TREM1: variants seen among roughly 807,000 people sequenced by gnomAD.
The protein encoded by TREM1 is triggering receptor expressed on myeloid cells 1, also known as triggering receptor expressed on monocytes 1.
Under a neutral mutation model 22.4 loss-of-function variants are expected in TREM1, and 16 were observed. The ratio of observed to expected loss-of-function variants is 0.71; its 90% CI spans 0.48 to 1.08. TREM1 has a LOEUF of 1.08. Among genes scored for constraint, TREM1 ranks in the 50% least tolerant of loss-of-function variants. The pLI is 0.00. For missense variants in TREM1, 283 were observed against 282.9 expected, an observed-to-expected ratio of 1.00 and a Z score of 0.00; for synonymous variants, 110 against 111.6, an observed-to-expected ratio of 0.99 and a Z score of 0.09.
intron 3 of TREM1, among the ~76,000 whole-genome samples, chr6:41,277,907 CTTTT>C (rs11341322): frequency 6.3e-5 from 7 of 111,312 alleles, no homozygotes; most frequent in South Asian, 3.0e-4. Flanking sequence ...TTCTTTTTGT[CTTTT>C]TTTTTTTTTT....
At chr6:41,282,254 C>T (rs1217408673) in intron 2 of TREM1, 141 bp downstream of exon 2, 1 of 684,464 alleles carries the variant, frequency 1.5e-6, no homozygotes, top group African/African-American at 1.8e-5. Context: ...CTACTTACTA[C>T]TGGACCTTAG....
rs981777294 is a variant in TREM1 at position 41,282,734 on chromosome 6, T to G, written c.67A>C (p.Lys23Gln). ...AGTTCATACTTTTCCTCAGTTAATTTAGTTGCAGCTCGGAGTTCTATAAGC... is the reference window on the plus strand; with the variant it reads ...AGTTCATACTTTTCCTCAGTTAATTGAGTTGCAGCTCGGAGTTCTATAAGC... ...LFVSELRAAT[K>Q]LTEEKYELKE... The change falls in exon 2 of 4, where the codon AAA (lysine) becomes CAA (glutamine). Residue 23 changes from lysine (K) to glutamine (Q), a missense_variant. Physicochemically the swap from Lys to Gln is moderately conservative, Grantham distance 53. Transcript: ENST00000244709. 1 of 1,613,294 alleles carries G rather than the reference T, an allele frequency of 6.2e-7. No individual in the cohort carries two copies. The highest frequency in any genetic ancestry group is 1.3e-5 in the African/African-American group (1 of 74,966).
At chr6:41,268,507 T>G (rs996834375) in intron 3 of TREM1, among the ~76,000 whole-genome samples, 1 of 152,202 alleles carries the variant, frequency 6.6e-6, no homozygotes, top group Admixed American at 6.5e-5. Flanking sequence ...GGTGCCTGAA[T>G]TGGGCCAACT....
At chr6:41,285,133 C>T (rs1481777840) in intron 1 of TREM1, among the ~76,000 whole-genome samples, 1 of 152,178 alleles carries the variant, frequency 6.6e-6, no homozygotes. Flanking sequence ...CTTTTATTTG[C>T]CAGCTCCCCA....
chr6:41,267,987 T>C (rs1332621726), exon 4 of TREM1: 7 of 398,558 alleles, frequency 1.8e-5, no homozygotes, highest in Non-Finnish European at 3.1e-5. Flanking sequence ...AGTTCCAGCC[T>C]GGGAGAAGAA....
downstream of TREM1, among the ~76,000 whole-genome samples, chr6:41,272,081 C>T (rs1259167669): frequency 6.6e-6 from 1 of 152,194 alleles, no homozygotes; most frequent in Non-Finnish European, 1.5e-5. Flanking sequence ...CACCATCTCC[C>T]CACGAGGCTG....
chr6:41,274,605 A>C lies in TREM1; in HGVS notation c.*1520T>G, dbSNP rs1767591472. On this transcript the variant is annotated 3_prime_UTR_variant, in exon 4 of 4. Coordinates refer to ENST00000244709, the MANE Select transcript of TREM1 (RefSeq NM_018643.5). ...CAGCTTCTGGATCTAGTGCGTCTGCAAAGATTCTCACCAGAGCATCAGGAT... is the reference window on the plus strand; with the variant it reads ...CAGCTTCTGGATCTAGTGCGTCTGCCAAGATTCTCACCAGAGCATCAGGAT... 6.6e-6 allele frequency among the ~76,000 whole-genome samples: 1 copy of C among 152,150 alleles called. No homozygotes were observed.
At chr6:41,284,423 G>A (rs1026280814) in intron 1 of TREM1, among the ~76,000 whole-genome samples, 1 of 152,144 alleles carries the variant, frequency 6.6e-6, no homozygotes, top group African/African-American at 2.4e-5. Flanking sequence ...AATTGGGGAT[G>A]CTCATCTGGC....
At chr6:41,270,446 A>ATATATATATATATAT (rs1325572554), downstream of TREM1, among the ~76,000 whole-genome samples, 2 of 144,006 alleles carry the variant, frequency 1.4e-5, no homozygotes, top group African/African-American at 5.5e-5. Flanking sequence ...GATATTATAT[A>ATATATATATATATAT]ATATATATAT....
At chr6:41,279,620 A>G (rs1767820850) in intron 3 of TREM1, 1 of 985,446 alleles carries the variant, frequency 1.0e-6, no homozygotes. Context: ...AGGCACTGCC[A>G]CTACCCATAT....
chr6:41,282,315 A>G (rs1581633734), intron 2 of TREM1, 80 bp downstream of exon 2: 6 of 1,134,740 alleles, frequency 5.3e-6, no homozygotes, highest in Non-Finnish European at 7.7e-6. Context: ...GGAATCCTGA[A>G]CCCCAGCTCT....
intron 2 of TREM1, 82 bp downstream of exon 2, chr6:41,282,313 G>C (rs1165982619): frequency 4.7e-5 from 53 of 1,132,338 alleles, no homozygotes; most frequent in Non-Finnish European, 3.8e-6. Flanking sequence ...TGGGAATCCT[G>C]AACCCCAGCT....
At chr6:41,269,310 T>C (rs1252402273), downstream of TREM1, among the ~76,000 whole-genome samples, 2 of 152,258 alleles carry the variant, frequency 1.3e-5, no homozygotes, top group East Asian at 1.9e-4. Context: ...TCCTCCCTAA[T>C]AACTGTGCCT....
rs769051849 is a variant in TREM1 at position 41,281,173 on chromosome 6, A to G, written c.407-20T>C. On this transcript the variant is annotated intron_variant, in intron 2 of 3. Coordinates refer to ENST00000244709, the MANE Select transcript of TREM1 (RefSeq NM_018643.5). ...AAAAACCTGCAAGAAGACACATTGG[A>G]TGGATGGATGGACAGATGGATGATG... 6.2e-6 allele frequency: 10 copies of G among 1,608,850 alleles called. No individual in the cohort carries two copies. The African/African-American group carries it at 1.3e-4, about 22-fold the overall frequency.
In TREM1 at chr6:41,268,115, T is replaced by A. The variant is rs77465323; in HGVS notation, c.600-27A>T. On this transcript the variant is annotated intron_variant, in intron 3 of 3. Coordinates refer to the TREM1 transcript ENST00000589614. ...TGCAAATTCAAGCGGGGGAAATGATTGGGTCAGGGAGCCCATACAGGAGAT... is the reference window on the plus strand; with the variant it reads ...TGCAAATTCAAGCGGGGGAAATGATAGGGTCAGGGAGCCCATACAGGAGAT... The A allele has an allele frequency of 1.1e-3, 438 of 398,562 alleles. 1 individual carries two copies. The highest frequency in any genetic ancestry group is 8.3e-3 in the African/African-American group (404 of 48,732). 24.7% of individuals were successfully genotyped at this position (398,562 alleles called of 1,614,324 possible).
chr6:41,269,643 C>T (rs112900921), downstream of TREM1, among the ~76,000 whole-genome samples: 3,382 of 152,270 alleles, frequency 0.022, 118 homozygotes, highest in African/African-American at 0.076. Flanking sequence ...GTCCAACATC[C>T]TTGTCTTACA....
rs1467216320 is a variant in TREM1 at position 41,285,418 on chromosome 6, G to A, written c.49+1189C>T. Among the ~76,000 whole-genome samples the A allele has an allele frequency of 2.6e-5, 4 of 152,238 alleles. No homozygotes were observed. The South Asian group carries it at 8.3e-4, about 32-fold the overall frequency. ...AGATAAGGAAACTGAGGCACAGACA[G>A]ATTAAGTGATTTGCCCAAAGTCTCA... On this transcript the variant is annotated intron_variant, in intron 1 of 3. Coordinates refer to ENST00000244709, the MANE Select transcript of TREM1 (RefSeq NM_018643.5).
chr6:41,276,214 T>C lies in TREM1; in HGVS notation c.616A>G (p.Ile206Val), dbSNP rs1337762309. 1 of 1,614,030 alleles carries C rather than the reference T, an allele frequency of 6.2e-7. No homozygotes were observed. Among genetic ancestry groups the C allele is most frequent in the East Asian group, 2.2e-5 (1 of 44,862 alleles). ...TDIIRVPVFN[I>V]VILLAGGFLS... ...AATCCACCAGCCAGGAGAATGACAA[T>C]GTTGAACACCGGAACCCTGCGGGAG... The change falls in exon 4 of 4, where the codon ATT becomes GTT. Residue 206 changes from isoleucine (I) to valine (V), a missense_variant. Coordinates refer to ENST00000244709, the MANE Select transcript of TREM1 (RefSeq NM_018643.5).
At position 41,282,542 on chromosome 6, in the gene TREM1, G is replaced by C; in HGVS notation, c.259C>G (p.Leu87Val). The change falls in exon 2 of 4, where the codon CTA becomes GTA. Residue 87 changes from leucine (L) to valine (V), a missense_variant. Coordinates refer to ENST00000244709, the MANE Select transcript of TREM1 (RefSeq NM_018643.5). ...SHPVQVGRIILEDYHDHGLLR... is the reference protein window; with the variant it reads ...SHPVQVGRIIVEDYHDHGLLR... Reference sequence around the variant, plus strand: ...AAACCATGATCATGGTAGTCTTCTAGTATGATCCTCCCCACTTGGACTGGA... The same window carrying C: ...AAACCATGATCATGGTAGTCTTCTACTATGATCCTCCCCACTTGGACTGGA... The C allele has an allele frequency of 6.2e-7, 1 of 1,614,182 alleles. No homozygotes were observed. Among genetic ancestry groups the C allele is most frequent in the Non-Finnish European group, 8.5e-7 (1 of 1,180,034 alleles).
Sources: allele counts gnomAD v4.1 joint callset (sites outside exome capture counted in the v4.1 genomes callset), GRCh38; gene constraint gnomAD v4.1.1; transcripts MANE v1.5; gene names NCBI Gene and HGNC (gene_info 2026-07-23, HGNC 2026-07-21).